UGT8: variants seen among roughly 807,000 people sequenced by gnomAD.
The protein encoded by UGT8 is 2-hydroxyacylsphingosine 1-beta-galactosyltransferase.
A neutral mutation model predicts 40.5 loss-of-function variants in UGT8; 12 were observed. The ratio of observed to expected loss-of-function variants is 0.30; its 90% confidence interval spans 0.19 to 0.48. UGT8 has a LOEUF of 0.48. Ranked by LOEUF, UGT8 falls within the 20% of genes least tolerant of loss-of-function variation. UGT8 has a pLI of 0.99. For synonymous variants in UGT8, 224 were observed against 240.4 expected, an observed-to-expected ratio of 0.93 and a Z score of 0.63; for missense variants, 513 against 648.7, an observed-to-expected ratio of 0.79 and a Z score of 2.27.
chr4:114,673,877 C>T (rs777195117), intron 5 of UGT8, among the ~76,000 whole-genome samples: 3 of 152,024 alleles, frequency 2.0e-5, no homozygotes, highest in African/African-American at 4.8e-5. Flanking sequence ...CTGAGGATGG[C>T]CTTTTAATAT....
chr4:114,663,633 A>T (rs1734683585), intron 2 of UGT8: 1 of 961,224 alleles, frequency 1.0e-6, no homozygotes, highest in Non-Finnish European at 1.2e-6. Flanking sequence ...TTGATTTTTC[A>T]TATGTTTAAT....
intron 2 of UGT8, among the ~76,000 whole-genome samples, chr4:114,626,224 AG>A (rs1732211356): frequency 6.6e-6 from 1 of 152,188 alleles, no homozygotes; most frequent in Admixed American, 6.5e-5. Context: ...TTTTTCTAGT[AG>A]ATTTATTTGA....
chr4:114,605,461 G>A (rs72677934), intron 1 of UGT8, among the ~76,000 whole-genome samples: 2 of 152,128 alleles, frequency 1.3e-5, no homozygotes, highest in Non-Finnish European at 2.9e-5. Flanking sequence ...ATTTACATTC[G>A]TATCTGATTT....
intron 2 of UGT8, among the ~76,000 whole-genome samples, chr4:114,631,519 C>G (rs1301933608): frequency 6.6e-6 from 1 of 152,108 alleles, no homozygotes; most frequent in East Asian, 1.9e-4. Context: ...AAGTAATGTC[C>G]CATTGTATCC....
At chr4:114,672,696 G>A (rs188311636) in intron 5 of UGT8, among the ~76,000 whole-genome samples, 120 of 151,976 alleles carry the variant, frequency 7.9e-4, no homozygotes, top group Middle Eastern at 3.4e-3. Flanking sequence ...GGAACTTAGC[G>A]GATGGGTCAA....
At chr4:114,609,415 T>C (rs1473561236) in intron 1 of UGT8, among the ~76,000 whole-genome samples, 2 of 152,336 alleles carry the variant, frequency 1.3e-5, no homozygotes, top group East Asian at 3.9e-4. Flanking sequence ...TTTTAATCAG[T>C]TAGACTTTAT....
At chr4:114,656,257 GA>G (rs888407885) in intron 2 of UGT8, among the ~76,000 whole-genome samples, 3 of 151,724 alleles carry the variant, frequency 2.0e-5, no homozygotes, top group African/African-American at 4.8e-5. Context: ...TGATTATCAT[GA>G]AAAAAATTGA....
intron 1 of UGT8, among the ~76,000 whole-genome samples, chr4:114,608,149 A>C (rs991016622): frequency 6.6e-6 from 1 of 152,038 alleles, no homozygotes. Flanking sequence ...CCCGCTTGAG[A>C]TGTCCTGCCT....
chr4:114,672,073 T>C (rs756050039), intron 5 of UGT8, among the ~76,000 whole-genome samples: 1 of 152,172 alleles, frequency 6.6e-6, no homozygotes, highest in Non-Finnish European at 1.5e-5. Context: ...GTAAAAAAGG[T>C]TAACATCACT....
intron 4 of UGT8, chr4:114,667,803 T>C: frequency 8.3e-6 from 6 of 718,886 alleles, no homozygotes; most frequent in Non-Finnish European, 1.0e-5. Context: ...TTATTGGCCA[T>C]TTAAATATGT....
chr4:114,635,482 A>G (rs1191027599), intron 2 of UGT8, among the ~76,000 whole-genome samples: 1 of 152,222 alleles, frequency 6.6e-6, no homozygotes, highest in Non-Finnish European at 1.5e-5. Context: ...ATAATCTTAA[A>G]GAGAATTTTG....
At chr4:114,600,341 A>G (rs1025212923) in intron 1 of UGT8, among the ~76,000 whole-genome samples, 8 of 152,324 alleles carry the variant, frequency 5.3e-5, no homozygotes, top group Middle Eastern at 6.8e-3. Flanking sequence ...TTCAGTATCA[A>G]TGACGTGAAT....
At chr4:114,600,557 G>C (rs1730383925) in intron 1 of UGT8, among the ~76,000 whole-genome samples, 1 of 152,056 alleles carries the variant, frequency 6.6e-6, no homozygotes. Flanking sequence ...GTGAAGGGTT[G>C]TTACATAGGT....
At chr4:114,660,619 G>A (rs1204313513) in intron 2 of UGT8, among the ~76,000 whole-genome samples, 2 of 152,008 alleles carry the variant, frequency 1.3e-5, no homozygotes, top group Non-Finnish European at 2.9e-5. Flanking sequence ...TAGGCTGGGC[G>A]TGGTGGCTTG....
At chr4:114,675,412 C>A (rs1256315824) in intron 5 of UGT8, among the ~76,000 whole-genome samples, 1 of 152,084 alleles carries the variant, frequency 6.6e-6, no homozygotes, top group Non-Finnish European at 1.5e-5. Context: ...ATTTTTCTCA[C>A]CAATTTAAAA....
At chr4:114,673,695 C>T (rs1578476433) in intron 5 of UGT8, among the ~76,000 whole-genome samples, 2 of 152,180 alleles carry the variant, frequency 1.3e-5, no homozygotes, top group South Asian at 2.1e-4. Context: ...CCTTCTTTTC[C>T]ATCTTTGTTA....
chr4:114,634,658 C>T (rs552924709), intron 2 of UGT8, among the ~76,000 whole-genome samples: 2 of 152,328 alleles, frequency 1.3e-5, no homozygotes, highest in South Asian at 4.1e-4. Context: ...TAAACTTATA[C>T]TCTCCTTTAA....
At chr4:114,656,289 T>C (rs1487878761) in intron 2 of UGT8, among the ~76,000 whole-genome samples, 1 of 148,620 alleles carries the variant, frequency 6.7e-6, no homozygotes, top group Non-Finnish European at 1.5e-5. Flanking sequence ...TTTGTTTTTG[T>C]TTTTTTTTCT....
chr4:114,604,063 A>G (rs1730592919), intron 1 of UGT8, among the ~76,000 whole-genome samples: 2 of 152,202 alleles, frequency 1.3e-5, no homozygotes, highest in Non-Finnish European at 2.9e-5. Context: ...AGAGAGTGGA[A>G]GTTGCCTCAA....
Sources: gnomAD v4.1 joint callset for allele counts (sites outside exome capture counted in the v4.1 genomes callset) on GRCh38, gnomAD v4.1.1 for gene constraint, MANE v1.5 for transcripts, NCBI Gene and HGNC (gene_info 2026-07-23, HGNC 2026-07-21) for gene names.